The following PSD3 variants were observed in gnomAD, a reference collection of about 807,000 sequenced individuals.
The protein encoded by PSD3 is pleckstrin and Sec7 domain containing 3.
A neutral mutation model predicts 105.5 loss-of-function variants in PSD3; 49 were observed. The observed-to-expected ratio is 0.46, with a 90% confidence interval of 0.37 to 0.59. The LOEUF (loss-of-function observed/expected upper bound fraction) is 0.59. Ranked by LOEUF, PSD3 falls within the 20% of genes least tolerant of loss-of-function variation. The probability of loss-of-function intolerance (pLI) is 0.00; values close to 1 mark genes in which losing one functional copy is unlikely to be tolerated. For missense variants in PSD3, 1,561 were observed against 1,263.8 expected (o/e 1.24, Z -3.57); for synonymous variants, 557 against 457.8 (o/e 1.22, Z -2.77).
At chr8:18,905,322 C>T (rs11992917) in intron 2 of PSD3, among the ~76,000 whole-genome samples, 4,166 of 152,230 alleles carry the variant, frequency 0.027, 162 homozygotes, top group African/African-American at 0.095. Context: ...GACTTCTCCT[C>T]TCCTTTTCTT....
In PSD3 at chr8:18,637,065, T is replaced by G. The variant is rs767589; in HGVS notation, c.2217-4259A>C. Among the ~76,000 whole-genome samples, 15 of 152,114 alleles carry G rather than the reference T, an allele frequency of 9.9e-5. No homozygotes were observed. In the South Asian group the frequency reaches 3.1e-3, roughly 32 times the overall value. ...ATCTTCAATAGTGAGAAAACTGGCT[T>G]TCACGATCTGCAATATATTGATTTG... On this transcript the variant is annotated intron_variant, in intron 10 of 15. Coordinates refer to ENST00000327040, the MANE Select transcript of PSD3 (RefSeq NM_015310.4).
chr8:18,652,430 G>A (rs1808561339), intron 10 of PSD3, among the ~76,000 whole-genome samples: 1 of 151,444 alleles, frequency 6.6e-6, no homozygotes, highest in South Asian at 2.1e-4. Context: ...GGAGAAACGG[G>A]AGAGCACAGT....
chr8:18,578,732 T>A (rs2717715), intron 12 of PSD3, among the ~76,000 whole-genome samples: 4 of 130,116 alleles, frequency 3.1e-5, no homozygotes, highest in African/African-American at 2.8e-5. Context: ...CTCTTAAAAA[T>A]GCAAAAAAAA....
At chr8:18,592,860 C>G (rs1378876044) in intron 12 of PSD3, among the ~76,000 whole-genome samples, 1 of 152,104 alleles carries the variant, frequency 6.6e-6, no homozygotes, top group Non-Finnish European at 1.5e-5. Context: ...CTGACAAGAA[C>G]AAGAAATGGG....
Position 18,556,318 on chromosome 8 carries a change from T to C in PSD3, c.2819A>G (p.Lys940Arg). Residue 940 changes from lysine to arginine, a missense_variant, in exon 15 of 16, where the codon AAG (lysine) becomes AGG (arginine). By Grantham distance (26) the Lys-to-Arg change is conservative. Transcript: ENST00000327040. ...EQLKSHESKL[K>R]QITTELAEHR... is the part of the protein sequence containing the mutation. ...CTCGGCCAGCTCGGTGGTGATCTGCTTCAGCTTACTTTCATGTGACTTCAG... is the reference window on the plus strand; with the variant it reads ...CTCGGCCAGCTCGGTGGTGATCTGCCTCAGCTTACTTTCATGTGACTTCAG... 3 of 1,613,870 alleles carry C rather than the reference T, an allele frequency of 1.9e-6. No homozygotes were observed. The highest frequency in any genetic ancestry group is 2.5e-6 in the Non-Finnish European group (3 of 1,179,926).
At chr8:18,567,622 G>A (rs1801874104) in intron 14 of PSD3, among the ~76,000 whole-genome samples, 1 of 152,078 alleles carries the variant, frequency 6.6e-6, no homozygotes, top group African/African-American at 2.4e-5. Flanking sequence ...ATTAAAAACA[G>A]AAGAATCTTT....
At chr8:18,665,723 T>C (rs559350137) in intron 9 of PSD3, among the ~76,000 whole-genome samples, 2 of 152,250 alleles carry the variant, frequency 1.3e-5, no homozygotes, top group African/African-American at 4.8e-5. Context: ...GTGGCGTGCA[T>C]GCCAATGGTC....
At chr8:18,815,180 C>T (rs1229668643) in intron 4 of PSD3, among the ~76,000 whole-genome samples, 2 of 152,206 alleles carry the variant, frequency 1.3e-5, no homozygotes, top group African/African-American at 4.8e-5. Context: ...CTCCCACCCC[C>T]TTTTCTCTTC....
chr8:18,658,670 A>G (rs1349691809), intron 9 of PSD3, among the ~76,000 whole-genome samples: 1 of 151,950 alleles, frequency 6.6e-6, no homozygotes, highest in Non-Finnish European at 1.5e-5. Flanking sequence ...TTACACCTAT[A>G]TAACTCTTGA....
At chr8:18,623,500 CATGGTG>C (rs1806271585) in intron 11 of PSD3, among the ~76,000 whole-genome samples, 1 of 143,922 alleles carries the variant, frequency 6.9e-6, no homozygotes, top group Admixed American at 7.0e-5. Context: ...ATTAGCTGGG[CATGGTG>C]GTATATGCCT....
At chr8:19,016,892 A>G (rs1200455937), upstream of PSD3, among the ~76,000 whole-genome samples, 1 of 152,144 alleles carries the variant, frequency 6.6e-6, no homozygotes, top group African/African-American at 2.4e-5. Flanking sequence ...CACTCTCTTA[A>G]TAACAGCATT....
At chr8:18,715,205 G>A (rs1292029680) in intron 9 of PSD3, among the ~76,000 whole-genome samples, 1 of 152,084 alleles carries the variant, frequency 6.6e-6, no homozygotes, top group African/African-American at 2.4e-5. Context: ...TGGGTTGATA[G>A]GTGCAGCTAA....
At chr8:18,570,843 C>CTATCAT (rs149261930) in intron 14 of PSD3, among the ~76,000 whole-genome samples, 9,134 of 117,360 alleles carry the variant, frequency 0.078, 339 homozygotes, top group East Asian at 0.15. Flanking sequence ...CTGCTTAAAA[C>CTATCAT]TATTATTATT....
chr8:19,073,336 G>T (rs752910312), intron 1 of PSD3, among the ~76,000 whole-genome samples: 1 of 151,944 alleles, frequency 6.6e-6, no homozygotes, highest in African/African-American at 2.4e-5. Flanking sequence ...GGATCACTTG[G>T]GGTTGGGAGT....
At chr8:18,582,168 C>A (rs1309815285) in intron 12 of PSD3, among the ~76,000 whole-genome samples, 1 of 152,106 alleles carries the variant, frequency 6.6e-6, no homozygotes, top group African/African-American at 2.4e-5. Context: ...TGGAGTGGAT[C>A]AAACTGGAAA....
At chr8:18,743,665 T>C (rs1178234724) in intron 9 of PSD3, among the ~76,000 whole-genome samples, 3 of 151,234 alleles carry the variant, frequency 2.0e-5, no homozygotes, top group Non-Finnish European at 4.4e-5. Context: ...AATTTTAAAA[T>C]ATTTAACTTA....
At chr8:18,998,413 T>G (rs1446178338) in intron 1 of PSD3, among the ~76,000 whole-genome samples, 1 of 151,826 alleles carries the variant, frequency 6.6e-6, no homozygotes, top group Non-Finnish European at 1.5e-5. Context: ...CTGGGCCGGG[T>G]GCGGTGGCTC....
At chr8:18,916,019 C>T (rs763556981) in intron 2 of PSD3, among the ~76,000 whole-genome samples, 7 of 151,886 alleles carry the variant, frequency 4.6e-5, no homozygotes, top group Non-Finnish European at 8.8e-5. Context: ...TCGCTTGAAC[C>T]CAGGAGGCGG....
At chr8:18,573,857 G>T (rs911863668) in intron 13 of PSD3, among the ~76,000 whole-genome samples, 4 of 152,128 alleles carry the variant, frequency 2.6e-5, no homozygotes, top group African/African-American at 9.7e-5. Flanking sequence ...TTCAAAACTA[G>T]ATTGTGGTGA....
Sources: allele counts gnomAD v4.1 joint callset (sites outside exome capture counted in the v4.1 genomes callset), GRCh38; gene constraint gnomAD v4.1.1; transcripts MANE v1.5; gene names NCBI Gene and HGNC (gene_info 2026-07-23, HGNC 2026-07-21).